The following LCORL variants were observed in gnomAD, a reference collection of about 807,000 sequenced individuals.
The protein encoded by LCORL is ligand-dependent nuclear receptor corepressor-like protein.
In LCORL, 41 loss-of-function variants were observed where a neutral mutation model predicts 141.8. The ratio of observed to expected loss-of-function variants is 0.29; its 90% CI spans 0.23 to 0.38. The LOEUF (loss-of-function observed/expected upper bound fraction) is 0.38, where lower values mean the gene tolerates loss of function less well. Ranked by LOEUF, LCORL falls within the 10% of genes least tolerant of loss-of-function variation. The pLI is 1.00. For missense variants in LCORL, 1,759 were observed against 2,035.0 expected (o/e 0.86, Z 2.61); for synonymous variants, 618 against 694.1 (o/e 0.89, Z 1.72).
intron 5 of LCORL, among the ~76,000 whole-genome samples, chr4:17,903,164 A>G (rs1174742533): frequency 2.0e-5 from 3 of 152,066 alleles, no homozygotes; most frequent in African/African-American, 7.2e-5. Context: ...AATCCAATAT[A>G]CTGTGTACCA....
At chr4:17,938,759 G>A (rs1473659960) in intron 4 of LCORL, among the ~76,000 whole-genome samples, 3 of 152,118 alleles carry the variant, frequency 2.0e-5, no homozygotes, top group African/African-American at 4.8e-5. Context: ...ATACTTAGAA[G>A]ATAAAACAAT....
rs1726855249 is a variant in LCORL at position 17,875,776 on chromosome 4, G to A, written c.3214C>T (p.Pro1072Ser). 3 of 1,231,062 alleles carry A rather than the reference G, an allele frequency of 2.4e-6. No homozygotes were observed. In the East Asian group the frequency reaches 9.5e-5, roughly 39 times the overall value. The allele number at this position is 1,231,062 out of a possible 1,614,324, so 76.3% of individuals were successfully genotyped here. Residue 1072 changes from proline (P) to serine (S), a missense_variant, in exon 7 of 8, where the codon CCA (proline) becomes TCA (serine). Physicochemically the swap from Pro to Ser is moderately conservative, Grantham distance 74 (BLOSUM62 -1). This residue lies in a region of LCORL where 1,311 missense variants were observed against 1,531.3 expected (regional missense o/e 0.86). Coordinates refer to ENST00000635767, the Ensembl canonical transcript of LCORL. ...CTACCTGGTTTTCTTTTAAAAGATG[G>A]ATCAGTAGCACTGCTTGAATTGTCC...
exon 8 of LCORL, chr4:17,842,582 G>T: frequency 1.9e-6 from 1 of 525,950 alleles, no homozygotes; most frequent in Non-Finnish European, 3.5e-6. Context: ...TTGCCTATTA[G>T]CTGGCATGGT....
intron 5 of LCORL, among the ~76,000 whole-genome samples, chr4:17,897,339 T>C (rs71603387): frequency 2.7e-5 from 4 of 149,118 alleles, no homozygotes; most frequent in African/African-American, 7.3e-5. Flanking sequence ...TTCTCCACAG[T>C]GGCTGTATTA....
chr4:17,957,995 A>G (rs1302602422), intron 4 of LCORL, among the ~76,000 whole-genome samples: 1 of 152,034 alleles, frequency 6.6e-6, no homozygotes, highest in African/African-American at 2.4e-5. Context: ...TAAGAAATCA[A>G]TTACTTTATC....
chr4:18,018,837 A>T (rs1725038462), intron 1 of LCORL, among the ~76,000 whole-genome samples: 1 of 152,232 alleles, frequency 6.6e-6, no homozygotes, highest in Non-Finnish European at 1.5e-5. Flanking sequence ...AAATGATTGT[A>T]AGCAATGAGA....
chr4:17,906,349 C>T (rs968057955), intron 5 of LCORL, among the ~76,000 whole-genome samples: 1 of 152,152 alleles, frequency 6.6e-6, no homozygotes, highest in Non-Finnish European at 1.5e-5. Context: ...TTGGTCCCTA[C>T]CTACTTCTTT....
chr4:17,933,762 G>A (rs1158581958), intron 4 of LCORL, among the ~76,000 whole-genome samples: 1 of 151,998 alleles, frequency 6.6e-6, no homozygotes, highest in Non-Finnish European at 1.5e-5. Context: ...ACTGTCATAT[G>A]TAAAAACTGT....
At chr4:17,975,548 C>T (rs1716779825) in intron 1 of LCORL, among the ~76,000 whole-genome samples, 1 of 152,068 alleles carries the variant, frequency 6.6e-6, no homozygotes, top group African/African-American at 2.4e-5. Flanking sequence ...AGGCACATGC[C>T]ATCACGCCCG....
At position 18,021,869 on chromosome 4, in the gene LCORL, C is replaced by G. The variant is rs1371926107; in HGVS notation, c.-118G>C. 2 of 1,154,994 alleles carry G rather than the reference C, an allele frequency of 1.7e-6. No individual in the cohort carries two copies. The highest frequency in any genetic ancestry group is 2.3e-6 in the Non-Finnish European group (2 of 864,914). 71.5% of individuals were successfully genotyped at this position (1,154,994 alleles called of 1,614,324 possible). A position where few individuals can be genotyped will look rare whatever the true frequency, so the allele number is the denominator to read the frequency against. On this transcript the variant is annotated 5_prime_UTR_variant, in exon 1 of 8. Transcript: ENST00000635767. This position sits in a 1 kb window ranked among gnomAD's most constrained non-coding sequence, Gnocchi z 5.5. ...CCCCCCGGAGGGGGGTTGATTGACA[C>G]GTGTCACTACCTTCCCTCTGCCCTG...
At chr4:17,882,926 AAAACT>A (rs1228375443) in intron 6 of LCORL, 2 of 937,040 alleles carry the variant, frequency 2.1e-6, no homozygotes, top group East Asian at 1.2e-4. Flanking sequence ...AATGAAAAAC[AAAACT>A]AAATTATTTT....
intron 4 of LCORL, among the ~76,000 whole-genome samples, chr4:17,921,837 C>T (rs547684314): frequency 5.3e-5 from 8 of 152,104 alleles, no homozygotes; most frequent in Non-Finnish European, 8.8e-5. Context: ...AAGCAGATAG[C>T]GGAATGTGGA....
At chr4:17,973,135 T>A (rs16896184) in intron 1 of LCORL, among the ~76,000 whole-genome samples, 11,405 of 151,810 alleles carry the variant, frequency 0.075, 1,467 homozygotes, top group African/African-American at 0.26. Flanking sequence ...CTAAACAACT[T>A]TATCATTTAT....
At chr4:17,937,071 C>T (rs374720410) in intron 4 of LCORL, among the ~76,000 whole-genome samples, 2 of 151,950 alleles carry the variant, frequency 1.3e-5, no homozygotes, top group African/African-American at 4.8e-5. Context: ...TATGAGATAC[C>T]CCCATAATCC....
At position 17,864,093 on chromosome 4, in the gene LCORL, C is replaced by T. The variant is rs191948075; in HGVS notation, c.5602+9295G>A. 4.8e-3 allele frequency among the ~76,000 whole-genome samples: 727 copies of T among 151,980 alleles called. 4 individuals are homozygous for T. Among genetic ancestry groups the T allele is most frequent in the African/African-American group, 0.017 (700 of 41,436 alleles). The stretch of plus-strand genomic sequence containing the variant: ...TGAAATAATCTATACAACAAATCCC[C>T]GTGCCATGCTGCATATGTACCCCTG... On this transcript the variant is annotated intron_variant, in intron 7 of 7. Transcript: ENST00000635767.
chr4:17,935,927 C>A (rs1238399047), intron 4 of LCORL, among the ~76,000 whole-genome samples: 1 of 152,120 alleles, frequency 6.6e-6, no homozygotes, highest in Non-Finnish European at 1.5e-5. Flanking sequence ...ATTAAATCCT[C>A]TGAAAGTATA....
intron 4 of LCORL, among the ~76,000 whole-genome samples, chr4:17,928,852 T>C (rs1735565439): frequency 1.3e-5 from 2 of 152,172 alleles, no homozygotes; most frequent in South Asian, 4.1e-4. Context: ...TAGATTACCA[T>C]TGTATAATCT....
chr4:17,970,538 G>A (rs993314358), intron 2 of LCORL, among the ~76,000 whole-genome samples: 6 of 152,156 alleles, frequency 3.9e-5, no homozygotes, highest in Non-Finnish European at 7.3e-5. Context: ...TGTATCATGA[G>A]AAATAGAACA....
chr4:17,980,115 A>C (rs1315033202), intron 1 of LCORL, among the ~76,000 whole-genome samples: 1 of 152,108 alleles, frequency 6.6e-6, no homozygotes, highest in Non-Finnish European at 1.5e-5. Context: ...CAGATCTCTG[A>C]CCTCCAGAAC....
Sources: gnomAD v4.1 joint callset for allele counts (sites outside exome capture counted in the v4.1 genomes callset) on GRCh38, gnomAD v4.1.1 for gene constraint, gnomAD v4.1.1 regional missense constraint, Gnocchi (gnomAD v3.1) non-coding constraint, MANE v1.5 for transcripts, NCBI Gene and HGNC (gene_info 2026-07-23, HGNC 2026-07-21) for gene names.